ADAM10: variants seen among roughly 807,000 people sequenced by gnomAD.
ADAM10 encodes disintegrin and metalloproteinase domain-containing protein 10.
A neutral mutation model predicts 90.1 loss-of-function variants in ADAM10; 17 were observed. That is an observed-to-expected ratio of 0.19 (90% confidence interval 0.13 to 0.28). The LOEUF (loss-of-function observed/expected upper bound fraction) is 0.28. ADAM10 is among the 10% of genes least tolerant of loss of function. The pLI is 1.00. For synonymous variants in ADAM10, 310 were observed against 298.6 expected (o/e 1.04, Z -0.40); for missense variants, 610 against 914.3 (o/e 0.67, Z 4.29).
intron 1 of ADAM10, among the ~76,000 whole-genome samples, chr15:58,730,652 T>C (rs1296549572): frequency 6.6e-6 from 1 of 152,128 alleles, no homozygotes; most frequent in Non-Finnish European, 1.5e-5. Flanking sequence ...AGGTGTCAAC[T>C]TGACTAGATT....
intron 1 of ADAM10, among the ~76,000 whole-genome samples, chr15:58,740,353 G>A (rs1899566813): frequency 6.6e-6 from 1 of 151,528 alleles, no homozygotes; most frequent in African/African-American, 2.4e-5. Flanking sequence ...GGGCTGCAGT[G>A]AGCCAAGATC....
At position 58,735,956 on chromosome 15, in the gene ADAM10, G is replaced by A. The variant is rs543063644; in HGVS notation, c.55+13524C>T. Among the ~76,000 whole-genome samples the A allele has an allele frequency of 8.5e-5, 13 of 152,208 alleles. 1 individual carries two copies. In the East Asian group the frequency reaches 2.3e-3, roughly 27 times the overall value. On this transcript the variant is annotated intron_variant, in intron 1 of 15. Transcript: ENST00000260408. ...GAAATACATGCTACCTGACAATGAT[G>A]AAAATAAAATACATTTAACCTAGAG...
intron 4 of ADAM10, among the ~76,000 whole-genome samples, chr15:58,667,051 T>C (rs767441959): frequency 2.0e-5 from 3 of 152,152 alleles, no homozygotes; most frequent in Non-Finnish European, 4.4e-5. Flanking sequence ...AAAGCCTTTG[T>C]TCAACTAATG....
chr15:58,595,297 T>C lies in ADAM10; in HGVS notation c.*2250A>G, dbSNP rs1014129452. ...CAAAGTATTAAGAATAAAGATAATC[T>C]ATACTTTTGTAGGAAGAGACAACTG... is the stretch of plus-strand genomic sequence containing the variant. On this transcript the variant is annotated 3_prime_UTR_variant, in exon 16 of 16. Transcript: ENST00000260408. 2 of 152,160 alleles carry C rather than the reference T, an allele frequency of 1.3e-5. No individual in the cohort carries two copies. The highest frequency in any genetic ancestry group is 1.3e-4 in the Admixed American group (2 of 15,280). The allele number at this position is 152,160 out of a possible 1,614,324, so 9.4% of individuals were successfully genotyped here. A position where few individuals can be genotyped will look rare whatever the true frequency, so the allele number is the denominator to read the frequency against.
rs760808254 is a variant in ADAM10 at position 58,749,558 on chromosome 15, G to A, written c.-24C>T. 5 of 1,548,722 alleles carry A rather than the reference G, an allele frequency of 3.2e-6. No homozygotes were observed. The highest frequency in any genetic ancestry group is 4.4e-6 in the Non-Finnish European group (5 of 1,145,612). ...ATCTTCCGCTGCCGCTGCCGCCGCC[G>A]CCGCCTCCTCACGGGTTAACAGCAG... On this transcript the variant is annotated 5_prime_UTR_variant, in exon 1 of 16. Coordinates refer to ENST00000260408, the MANE Select transcript of ADAM10 (RefSeq NM_001110.4).
At chr15:58,686,962 A>G (rs1168858338) in intron 2 of ADAM10, among the ~76,000 whole-genome samples, 1 of 152,200 alleles carries the variant, frequency 6.6e-6, no homozygotes, top group Admixed American at 6.5e-5. Context: ...TGTTTCATTT[A>G]CTGGATGTTT....
chr15:58,598,854 G>C (rs1229662806), intron 15 of ADAM10, among the ~76,000 whole-genome samples: 1 of 152,216 alleles, frequency 6.6e-6, no homozygotes, highest in Non-Finnish European at 1.5e-5. Flanking sequence ...AAAAGGTGGA[G>C]ACCAGAACTA....
chr15:58,678,029 G>A (rs1446606255), intron 4 of ADAM10, among the ~76,000 whole-genome samples: 1 of 152,126 alleles, frequency 6.6e-6, no homozygotes, highest in African/African-American at 2.4e-5. Flanking sequence ...ACTTATGAAG[G>A]AGGATGATAG....
chr15:58,699,859 T>A (rs1408534026), intron 2 of ADAM10, among the ~76,000 whole-genome samples: 1 of 152,084 alleles, frequency 6.6e-6, no homozygotes, highest in Admixed American at 6.6e-5. Context: ...ATACCAGTAA[T>A]AACCTTAACT....
chr15:58,626,204 C>T (rs1895941069), intron 10 of ADAM10, among the ~76,000 whole-genome samples: 1 of 151,832 alleles, frequency 6.6e-6, no homozygotes, highest in African/African-American at 2.4e-5. Context: ...TCAATATCAA[C>T]ATCCTGGTCA....
At chr15:58,681,260 T>C (rs1897433449) in intron 3 of ADAM10, among the ~76,000 whole-genome samples, 1 of 152,156 alleles carries the variant, frequency 6.6e-6, no homozygotes, top group African/African-American at 2.4e-5. Context: ...AAGTCTGACA[T>C]TGAAAATCTA....
At chr15:58,748,006 C>T (rs1206525230) in intron 1 of ADAM10, 2 of 152,080 alleles carry the variant, frequency 1.3e-5, no homozygotes. Context: ...ACGTTTAGAA[C>T]AGAAATAACA....
rs143305521 is a variant in ADAM10, at chr15:58,598,266, A to C, written c.2153-625T>G. 6.9e-3 allele frequency among the ~76,000 whole-genome samples: 1,050 copies of C among 152,364 alleles called. 14 individuals are homozygous for C. Among genetic ancestry groups the C allele is most frequent in the African/African-American group, 0.024 (1,003 of 41,570 alleles). ...TTAAAGGTGCTATTCACTTAAAATG[A>C]AACCAACATACACATAAAATGTTTC... On this transcript the variant is annotated intron_variant, in intron 15 of 15. Transcript: ENST00000260408.
chr15:58,728,998 A>T (rs1899133242), intron 1 of ADAM10, among the ~76,000 whole-genome samples: 1 of 152,196 alleles, frequency 6.6e-6, no homozygotes, highest in Admixed American at 6.5e-5. Flanking sequence ...AGAAAACAGC[A>T]ACTAAGCCAT....
chr15:58,639,217 A>C (rs1348167411), intron 8 of ADAM10, among the ~76,000 whole-genome samples: 5 of 152,184 alleles, frequency 3.3e-5, no homozygotes, highest in African/African-American at 1.2e-4. Flanking sequence ...GTTCAAACTA[A>C]GACTGTTGGG....
rs1894782373 is a variant in ADAM10 at position 58,589,483 on chromosome 15, G to C, written c.*8064C>G. On this transcript the variant is annotated 3_prime_UTR_variant, in exon 16 of 16. Coordinates refer to ENST00000260408, the MANE Select transcript of ADAM10 (RefSeq NM_001110.4). ...TTCCTCTGAGCTACCAGGGCATCCT[G>C]TGTTTGTAGAGTTTCCAACACAAAC... is the stretch of plus-strand genomic sequence containing the variant. 1 of 152,094 alleles carries C rather than the reference G, an allele frequency of 6.6e-6. No homozygotes were observed. The allele number at this position is 152,094 out of a possible 1,614,324, so 9.4% of individuals were successfully genotyped here. A position where few individuals can be genotyped will look rare whatever the true frequency, so the allele number is the denominator to read the frequency against.
chr15:58,688,786 A>ATATATATATATCTCTC, intron 2 of ADAM10, among the ~76,000 whole-genome samples: 13 of 122,376 alleles, frequency 1.1e-4, no homozygotes, highest in Middle Eastern at 3.8e-3. Context: ...ATATATATAT[A>ATATATATATATCTCTC]TCTCTCTCTC....
At chr15:58,670,185 T>C (rs1897162396) in intron 4 of ADAM10, among the ~76,000 whole-genome samples, 1 of 151,384 alleles carries the variant, frequency 6.6e-6, no homozygotes, top group African/African-American at 2.4e-5. Flanking sequence ...TAGACCCTGA[T>C]TAAATCCTGT....
chr15:58,706,319 T>C (rs1014948901), intron 2 of ADAM10, among the ~76,000 whole-genome samples: 2 of 152,210 alleles, frequency 1.3e-5, no homozygotes, highest in East Asian at 3.8e-4. Context: ...AGTTCTATCA[T>C]ATCTAAAATG....
Sources: gnomAD v4.1 joint callset for allele counts (sites outside exome capture counted in the v4.1 genomes callset) on GRCh38, gnomAD v4.1.1 for gene constraint, MANE v1.5 for transcripts, NCBI Gene and HGNC (gene_info 2026-07-23, HGNC 2026-07-21) for gene names.